IL1RAPL1: variants seen among roughly 807,000 people sequenced by gnomAD.
IL1RAPL1 encodes the protein interleukin 1 receptor accessory protein like 1, also known as interleukin-1 receptor accessory protein-like 1.
Under a neutral mutation model 48.4 loss-of-function variants are expected in IL1RAPL1, and 3 were observed. The observed-to-expected ratio is 0.06, with a 90% CI of 0.03 to 0.16. The LOEUF (loss-of-function observed/expected upper bound fraction) is 0.16, where lower values mean the gene tolerates loss of function less well. Among genes scored for constraint, IL1RAPL1 ranks in the 10% least tolerant of loss-of-function variants. IL1RAPL1 has a pLI of 1.00. For synonymous variants in IL1RAPL1, 185 were observed against 187.7 expected, an observed-to-expected ratio of 0.99 and a Z score of 0.12; for missense variants, 349 against 530.6, an observed-to-expected ratio of 0.66 and a Z score of 3.36.
intron 2 of IL1RAPL1, chrX:28,942,262 C>T (rs1186120814): frequency 2.7e-5 from 3 of 109,103 alleles, no homozygotes; most frequent in Non-Finnish European, 5.8e-5. Context: ...CCTTTTTCTT[C>T]TTTACTCCTG....
At chrX:28,836,366 CAGAGAGAG>C (rs764336117) in intron 2 of IL1RAPL1, among the ~76,000 whole-genome samples, 21 of 91,798 alleles carry the variant, frequency 2.3e-4, no homozygotes, top group African/African-American at 7.7e-4. Flanking sequence ...ATATATATGA[CAGAGAGAG>C]AGAGAGAGAG....
intron 2 of IL1RAPL1, among the ~76,000 whole-genome samples, chrX:29,001,919 C>T (rs1275144920): frequency 2.2e-5 from 2 of 92,861 alleles, no homozygotes; most frequent in Admixed American, 1.2e-4. Context: ...TTTTTTTTAA[C>T]GGAGTCTGGC....
At chrX:29,452,916 A>AT (rs72259685) in intron 5 of IL1RAPL1, among the ~76,000 whole-genome samples, 777 of 48,862 alleles carry the variant, frequency 0.016, 50 homozygotes, top group African/African-American at 0.046. Context: ...GTGACTACAG[A>AT]TTTTTTTTTT....
At chrX:28,765,260 A>C (rs1478835400) in intron 1 of IL1RAPL1, among the ~76,000 whole-genome samples, 2 of 110,483 alleles carry the variant, frequency 1.8e-5, no homozygotes. Flanking sequence ...TATGTAAGAA[A>C]CCTGCACGTT....
chrX:28,917,856 T>G (rs1174540678), intron 2 of IL1RAPL1, among the ~76,000 whole-genome samples: 1 of 112,387 alleles, frequency 8.9e-6, no homozygotes, highest in Non-Finnish European at 1.9e-5. Context: ...ATCATCACCA[T>G]CCATGTATAG....
intron 2 of IL1RAPL1, among the ~76,000 whole-genome samples, chrX:28,902,654 A>G (rs1923109193): frequency 8.9e-6 from 1 of 111,915 alleles, no homozygotes; most frequent in South Asian, 3.7e-4. Flanking sequence ...ACTAAGGGAA[A>G]AAATGAGGAC....
intron 6 of IL1RAPL1, among the ~76,000 whole-genome samples, chrX:29,897,454 C>T (rs992923974): frequency 5.4e-5 from 6 of 111,873 alleles, no homozygotes; most frequent in Admixed American, 9.5e-5. Context: ...AAATACTATT[C>T]ACACTTCTTT....
chrX:28,721,986 T>C (rs1057511541), intron 1 of IL1RAPL1, among the ~76,000 whole-genome samples: 3 of 111,922 alleles, frequency 2.7e-5, no homozygotes, highest in African/African-American at 3.3e-5. Flanking sequence ...CATGCTGTTT[T>C]GGTTACTGTA....
chrX:29,813,006 G>A (rs750852586), intron 6 of IL1RAPL1, among the ~76,000 whole-genome samples: 1 of 111,154 alleles, frequency 9.0e-6, no homozygotes, highest in African/African-American at 3.3e-5. Context: ...TAGACTCCCC[G>A]TGCCCTGTGT....
intron 2 of IL1RAPL1, among the ~76,000 whole-genome samples, chrX:29,173,686 A>T (rs1929951672): frequency 8.9e-6 from 1 of 111,807 alleles, no homozygotes; most frequent in Admixed American, 9.6e-5. Flanking sequence ...CAGAATTAGC[A>T]TGGCATATGC....
chrX:29,268,493 A>T (rs1229715430), intron 2 of IL1RAPL1, among the ~76,000 whole-genome samples: 1 of 112,014 alleles, frequency 8.9e-6, no homozygotes, highest in Admixed American at 9.5e-5. Context: ...TTGGCATTGA[A>T]AATTAAGGAA....
chrX:29,947,698 G>A (rs1297202388), intron 9 of IL1RAPL1, among the ~76,000 whole-genome samples: 1 of 103,189 alleles, frequency 9.7e-6, no homozygotes, highest in Non-Finnish European at 2.0e-5. Context: ...GTCCATCAGT[G>A]AAACATAGTA....
At chrX:29,019,828 G>C (rs942681682) in intron 2 of IL1RAPL1, among the ~76,000 whole-genome samples, 1 of 112,220 alleles carries the variant, frequency 8.9e-6, no homozygotes. Context: ...CATTCAAGGA[G>C]TGGAGCATGT....
At chrX:29,782,806 G>A (rs1171384184) in intron 6 of IL1RAPL1, among the ~76,000 whole-genome samples, 1 of 105,625 alleles carries the variant, frequency 9.5e-6, no homozygotes, top group African/African-American at 3.5e-5. Context: ...TATCTATAAA[G>A]ATCTCTGACT....
intron 5 of IL1RAPL1, among the ~76,000 whole-genome samples, chrX:29,480,303 T>TATATATAC (rs1403615136): frequency 1.0e-5 from 1 of 99,587 alleles, no homozygotes; most frequent in Non-Finnish European, 2.0e-5. Flanking sequence ...TATATATATA[T>TATATATAC]ATATATATAT....
chrX:28,600,445 CT>C (rs752295088), intron 1 of IL1RAPL1, among the ~76,000 whole-genome samples: 258 of 70,723 alleles, frequency 3.6e-3, no homozygotes, highest in African/African-American at 0.013. Context: ...TACATAGGAC[CT>C]TTTTTTTTTT....
intron 5 of IL1RAPL1, among the ~76,000 whole-genome samples, chrX:29,601,157 AC>A (rs780498753): frequency 1.8e-5 from 2 of 112,367 alleles, no homozygotes; most frequent in African/African-American, 6.5e-5. Flanking sequence ...TTTACTAATC[AC>A]CTAAACTAGC....
intron 2 of IL1RAPL1, among the ~76,000 whole-genome samples, chrX:29,153,091 C>T (rs915547918): frequency 7.2e-5 from 8 of 111,835 alleles, no homozygotes; most frequent in African/African-American, 1.3e-4. Flanking sequence ...TCTTTGGCTT[C>T]TAGAGACTGT....
chrX:28,739,987 T>A (rs756721341), intron 1 of IL1RAPL1, among the ~76,000 whole-genome samples: 2 of 110,880 alleles, frequency 1.8e-5, no homozygotes, highest in Admixed American at 9.6e-5. Context: ...CTTTTTTTTT[T>A]AATTCCCAGT....
Sources: gnomAD v4.1 joint callset for allele counts (sites outside exome capture counted in the v4.1 genomes callset) on GRCh38, gnomAD v4.1.1 for gene constraint, MANE v1.5 for transcripts, NCBI Gene and HGNC (gene_info 2026-07-23, HGNC 2026-07-21) for gene names.